IMPA1: variants seen among roughly 807,000 people sequenced by gnomAD.
IMPA1 encodes inositol monophosphatase 1.
A neutral mutation model predicts 34.9 loss-of-function variants in IMPA1; 21 were observed. The ratio of observed to expected loss-of-function variants is 0.60; its 90% CI spans 0.43 to 0.87. The LOEUF is 0.87. Among genes scored for constraint, IMPA1 ranks in the 40% least tolerant of loss-of-function variants. The pLI is 0.00. For synonymous variants in IMPA1, 95 were observed against 104.4 expected, an observed-to-expected ratio of 0.91 and a Z score of 0.55; for missense variants, 299 against 336.4, an observed-to-expected ratio of 0.89 and a Z score of 0.87.
chr8:81,659,295 G>T lies in IMPA1; in HGVS notation c.*56C>A. The T allele has an allele frequency of 1.1e-6, 1 of 925,610 alleles. No homozygotes were observed. Among genetic ancestry groups the T allele is most frequent in the Non-Finnish European group, 1.8e-6 (1 of 552,764 alleles). 57.3% of individuals were successfully genotyped at this position (925,610 alleles called of 1,614,324 possible). On this transcript the variant is annotated 3_prime_UTR_variant, in exon 9 of 9. Coordinates refer to ENST00000256108, the MANE Select transcript of IMPA1 (RefSeq NM_005536.4). ...CATACATCCAAAACACATATCCATT[G>T]ATGAGTCACCAAATCTGGGGAAAAG...
At chr8:81,672,754 C>T (rs573377186) in intron 6 of IMPA1, among the ~76,000 whole-genome samples, 2 of 152,340 alleles carry the variant, frequency 1.3e-5, no homozygotes, top group South Asian at 2.1e-4. Context: ...GAAGAAAGAA[C>T]TTAAATTGCC....
intron 7 of IMPA1, among the ~76,000 whole-genome samples, chr8:81,662,135 A>C (rs2130243570): frequency 6.6e-6 from 1 of 152,322 alleles, no homozygotes; most frequent in South Asian, 2.1e-4. Flanking sequence ...AATTTGAGAA[A>C]GTAGTAGTAA....
chr8:81,669,704 G>C (rs558243559), intron 7 of IMPA1, among the ~76,000 whole-genome samples: 1 of 152,250 alleles, frequency 6.6e-6, no homozygotes, highest in East Asian at 1.9e-4. Context: ...GGGACCCTGG[G>C]GATGGAATGA....
intron 1 of IMPA1, among the ~76,000 whole-genome samples, chr8:81,684,492 T>C (rs1175607186): frequency 1.4e-5 from 2 of 142,124 alleles, no homozygotes; most frequent in Non-Finnish European, 3.0e-5. Flanking sequence ...TACTACAGTA[T>C]ACTACACATA....
Position 81,670,954 on chromosome 8 carries a change from C to CA in IMPA1, c.550dup (p.Cys184LeufsTer16). The CA allele has an allele frequency of 1.3e-6, 2 of 1,521,414 alleles. No homozygotes were observed. Among genetic ancestry groups the CA allele is most frequent in the Non-Finnish European group, 8.8e-7 (1 of 1,137,240 alleles). 94.2% of individuals were successfully genotyped at this position (1,521,414 alleles called of 1,614,324 possible). On this transcript the variant is annotated frameshift_variant, in exon 7 of 9. Transcript: ENST00000256108. LOFTEE classifies it high-confidence loss of function. ...AAGAGCTTACCCATGAACAGGAATG[C>CA]AAAAAAGCTTTTCCATATTAGAAAG... is the stretch of plus-strand genomic sequence containing the variant.
chr8:81,663,462 T>A (rs535664458), intron 7 of IMPA1, among the ~76,000 whole-genome samples: 81 of 152,346 alleles, frequency 5.3e-4, no homozygotes, highest in African/African-American at 1.9e-3. Context: ...ACAGAAATGA[T>A]CTGGGAGCCA....
intron 6 of IMPA1, among the ~76,000 whole-genome samples, chr8:81,673,637 T>C (rs1807051973): frequency 6.6e-6 from 1 of 152,190 alleles, no homozygotes; most frequent in Non-Finnish European, 1.5e-5. Flanking sequence ...CAAAATACAA[T>C]GCTGAGCCTG....
At chr8:81,663,976 T>C (rs1806747784) in intron 7 of IMPA1, among the ~76,000 whole-genome samples, 1 of 151,966 alleles carries the variant, frequency 6.6e-6, no homozygotes, top group African/African-American at 2.4e-5. Context: ...GAGGCGGAGG[T>C]TGCAGTGAGC....
chr8:81,681,152 T>C (rs937669047), intron 2 of IMPA1, among the ~76,000 whole-genome samples: 5 of 152,110 alleles, frequency 3.3e-5, no homozygotes, highest in Admixed American at 1.3e-4. Context: ...TCCCAGCACT[T>C]TGGGAGGCCA....
rs929620395 is a variant in IMPA1 at position 81,657,005 on chromosome 8, G to C, written c.*2346C>G. 6.6e-6 allele frequency among the ~76,000 whole-genome samples: 1 copy of C among 152,172 alleles called. No individual in the cohort carries two copies. Among genetic ancestry groups the C allele is most frequent in the Non-Finnish European group, 1.5e-5 (1 of 68,024 alleles). On this transcript the variant is annotated 3_prime_UTR_variant, in exon 9 of 9. Coordinates refer to ENST00000256108, the MANE Select transcript of IMPA1 (RefSeq NM_005536.4). The stretch of plus-strand genomic sequence containing the variant: ...CTGTGTATGTATCCACATGCAGAAA[G>C]ATAATATACCCTGATACAAAATATA...
chr8:81,659,864 G>A (rs983316894), intron 8 of IMPA1, among the ~76,000 whole-genome samples: 4 of 152,046 alleles, frequency 2.6e-5, no homozygotes, highest in East Asian at 3.9e-4. Context: ...TTCACCCTTC[G>A]GTTTAAAATT....
chr8:81,670,268 T>C (rs557957920), intron 7 of IMPA1, among the ~76,000 whole-genome samples: 1 of 152,214 alleles, frequency 6.6e-6, no homozygotes, highest in African/African-American at 2.4e-5. Flanking sequence ...TCAGTATTTA[T>C]GGGATACAAT....
chr8:81,679,191 A>C lies in IMPA1; in HGVS notation c.237T>G (p.Ser79Arg), dbSNP rs1217126842. 1 of 1,614,022 alleles carries C rather than the reference A, an allele frequency of 6.2e-7. No homozygotes were observed. Among genetic ancestry groups the C allele is most frequent in the Admixed American group, 1.7e-5 (1 of 60,020 alleles). ...TCCATGTGGGGTTGTCGGTTAAGAT[A>C]CTTTTTTCCCCAGCTGCCACAGATT... The part of the protein sequence containing the change: ...GEESVAAGEK[S>R]ILTDNPTWII... Residue 79 changes from serine to arginine, a missense_variant, in exon 4 of 9, where the codon AGT becomes AGG. Physicochemically the swap from Ser to Arg is moderately radical, Grantham distance 110. Coordinates refer to ENST00000256108, the MANE Select transcript of IMPA1 (RefSeq NM_005536.4).
In IMPA1 at chr8:81,682,509, C is replaced by T. The variant is rs139594323; in HGVS notation, c.-24-925G>A. On this transcript the variant is annotated intron_variant, in intron 1 of 8. Transcript: ENST00000256108. The stretch of plus-strand genomic sequence containing the variant: ...GAAAGGAGGGCAAAAGACCCACACG[C>T]TAAATTTCTTCCTGATGCTTTTTCT... 1.3e-3 allele frequency among the ~76,000 whole-genome samples: 199 copies of T among 152,252 alleles called. 3 individuals are homozygous for T. Among genetic ancestry groups the T allele is most frequent in the Admixed American group, 0.011 (167 of 15,288 alleles).
Position 81,681,609 on chromosome 8 carries a change from T to C in IMPA1, c.-24-25A>G, listed in dbSNP as rs376904659. 1.5e-4 allele frequency: 194 copies of C among 1,290,738 alleles called. No individual in the cohort carries two copies. In the Admixed American group the frequency reaches 1.6e-3, roughly 10 times the overall value. 80.0% of individuals were successfully genotyped at this position (1,290,738 alleles called of 1,614,324 possible). ...TCTGTACAAAGTAGTTATAACTGTC[T>C]TAGAAGTCTTAATTATAGAATAGTT... On this transcript the variant is annotated intron_variant, in intron 1 of 8. Transcript: ENST00000256108.
intron 7 of IMPA1, among the ~76,000 whole-genome samples, chr8:81,666,374 CA>C (rs1185574025): frequency 6.6e-6 from 1 of 152,054 alleles, no homozygotes; most frequent in African/African-American, 2.4e-5. Flanking sequence ...TTATACCACA[CA>C]ATAATACAAC....
intron 3 of IMPA1, 103 bp downstream of exon 3, chr8:81,680,547 G>C (rs1807269179): frequency 2.4e-6 from 2 of 828,172 alleles, no homozygotes; most frequent in Non-Finnish European, 1.9e-6. Flanking sequence ...GTAACTTCAT[G>C]GAAGACCTTG....
Position 81,684,234 on chromosome 8 carries a change from C to T in IMPA1, c.-25+2018G>A, listed in dbSNP as rs190830404. Among the ~76,000 whole-genome samples the T allele has an allele frequency of 3.1e-3, 446 of 141,966 alleles. 3 individuals carry two copies. Among genetic ancestry groups the T allele is most frequent in the Admixed American group, 5.2e-3 (73 of 14,108 alleles). The allele number at this position is 141,966 out of a possible 152,430, so 93.1% of individuals were successfully genotyped here. A position where few individuals can be genotyped will look rare whatever the true frequency, so the allele number is the denominator to read the frequency against. On this transcript the variant is annotated intron_variant, in intron 1 of 8. Coordinates refer to ENST00000256108, the MANE Select transcript of IMPA1 (RefSeq NM_005536.4). ...TTAGATACTATATATAGTATATATA[C>T]CATACATAAGTATATTTAGATACTA... is the stretch of plus-strand genomic sequence containing the variant.
chr8:81,664,049 T>C (rs1163946610), intron 7 of IMPA1, among the ~76,000 whole-genome samples: 1 of 151,816 alleles, frequency 6.6e-6, no homozygotes, highest in Non-Finnish European at 1.5e-5. Context: ...AAAAAATAAA[T>C]ACATAAAAAA....
Sources: allele counts gnomAD v4.1 joint callset (sites outside exome capture counted in the v4.1 genomes callset), GRCh38; gene constraint gnomAD v4.1.1; transcripts MANE v1.5; gene names NCBI Gene and HGNC (gene_info 2026-07-23, HGNC 2026-07-21).